CRYBG1: variants seen among roughly 807,000 people sequenced by gnomAD.
CRYBG1 encodes beta/gamma crystallin domain-containing protein 1.
Under a neutral mutation model 189.2 loss-of-function variants are expected in CRYBG1, and 139 were observed. The ratio of observed to expected loss-of-function variants is 0.73; its 90% CI spans 0.64 to 0.85. CRYBG1 has a LOEUF of 0.85. Ranked by LOEUF, CRYBG1 falls within the 40% of genes least tolerant of loss-of-function variation. CRYBG1 has a pLI of 0.00. For synonymous variants in CRYBG1, 1,023 were observed against 1,017.1 expected (o/e 1.01, Z -0.11); for missense variants, 2,611 against 2,675.8 (o/e 0.98, Z 0.53).
intron 1 of CRYBG1, among the ~76,000 whole-genome samples, chr6:106,437,307 T>TCC (rs1000069763): frequency 6.6e-6 from 1 of 152,252 alleles, no homozygotes; most frequent in African/African-American, 2.4e-5. Flanking sequence ...GCATGGCTCT[T>TCC]AACTAATCAT....
At chr6:106,482,038 T>A (rs1277078951) in intron 2 of CRYBG1, among the ~76,000 whole-genome samples, 10 of 113,042 alleles carry the variant, frequency 8.8e-5, no homozygotes, top group Non-Finnish European at 1.1e-4. Context: ...AGGTTCCTGC[T>A]GTCTAGTGTA....
chr6:106,523,898 A>G (rs376044466), intron 4 of CRYBG1, among the ~76,000 whole-genome samples: 47 of 152,074 alleles, frequency 3.1e-4, no homozygotes, highest in African/African-American at 1.0e-3. Context: ...CGCCCAGCTA[A>G]TTTATGTATT....
At chr6:106,394,986 G>C (rs539234362) in intron 1 of CRYBG1, among the ~76,000 whole-genome samples, 1 of 151,364 alleles carries the variant, frequency 6.6e-6, no homozygotes, top group Non-Finnish European at 1.5e-5. Flanking sequence ...CTCCCAAGTA[G>C]CTGGGATTAC....
At chr6:106,538,664 G>A (rs1325987600) in intron 8 of CRYBG1, among the ~76,000 whole-genome samples, 3 of 152,106 alleles carry the variant, frequency 2.0e-5, no homozygotes, top group African/African-American at 4.8e-5. Flanking sequence ...AGGCCAAGGC[G>A]GGCGGATCAC....
chr6:106,505,692 C>T (rs573757282), intron 2 of CRYBG1, among the ~76,000 whole-genome samples: 1 of 151,364 alleles, frequency 6.6e-6, no homozygotes, highest in East Asian at 1.9e-4. Flanking sequence ...AGCTCAAATT[C>T]CTATATTTTT....
chr6:106,539,468 C>T lies in CRYBG1; in HGVS notation c.4784C>T (p.Pro1595Leu), dbSNP rs1268897603. Residue 1595 changes from proline to leucine, a missense_variant, in exon 9 of 22, where the codon CCT becomes CTT. Pro to Leu is a moderately conservative substitution (Grantham distance 98). Transcript: ENST00000633556. Reference sequence around the variant, plus strand: ...TTCATCCTGGAACCTGGTGAATACCCTGACTTGTCCTTCTGGGATACAGAA... The same window carrying T: ...TTCATCCTGGAACCTGGTGAATACCTTGACTTGTCCTTCTGGGATACAGAA... ...VPFILEPGEY[P>L]DLSFWDTEEA... 1.2e-6 allele frequency: 2 copies of T among 1,613,798 alleles called. No homozygotes were observed. The highest frequency in any genetic ancestry group is 1.7e-6 in the Non-Finnish European group (2 of 1,179,864).
At chr6:106,444,167 CTG>C (rs937229316) in intron 1 of CRYBG1, among the ~76,000 whole-genome samples, 1 of 152,048 alleles carries the variant, frequency 6.6e-6, no homozygotes, top group Admixed American at 6.6e-5. Flanking sequence ...AGTATTGACA[CTG>C]TCAAAATAAA....
intron 1 of CRYBG1, among the ~76,000 whole-genome samples, chr6:106,383,924 T>C (rs550991430): frequency 2.6e-3 from 389 of 152,316 alleles, no homozygotes; most frequent in Non-Finnish European, 3.6e-3. Context: ...TTCTCAACCC[T>C]GTGTGTGGCC....
chr6:106,442,726 A>G (rs1771587162), intron 1 of CRYBG1, among the ~76,000 whole-genome samples: 1 of 152,224 alleles, frequency 6.6e-6, no homozygotes, highest in Admixed American at 6.5e-5. Flanking sequence ...GATGTGACAG[A>G]TGTTATTATA....
At chr6:106,414,353 T>A (rs1251142912) in intron 1 of CRYBG1, among the ~76,000 whole-genome samples, 1 of 152,266 alleles carries the variant, frequency 6.6e-6, no homozygotes, top group Non-Finnish European at 1.5e-5. Context: ...GGATTGGCCT[T>A]GGCCAGAGGA....
chr6:106,480,522 C>G (rs144576610), intron 2 of CRYBG1, among the ~76,000 whole-genome samples: 6,899 of 151,068 alleles, frequency 0.046, 530 homozygotes, highest in African/African-American at 0.16. Flanking sequence ...AAAAATTTAG[C>G]CAGGCATGGT....
At chr6:106,375,752 T>C (rs1038410266) in intron 1 of CRYBG1, among the ~76,000 whole-genome samples, 6 of 152,206 alleles carry the variant, frequency 3.9e-5, no homozygotes, top group African/African-American at 9.6e-5. Flanking sequence ...TTGGCTTAGC[T>C]GTTTTGGAGG....
intron 1 of CRYBG1, among the ~76,000 whole-genome samples, chr6:106,392,960 G>T (rs528479668): frequency 1.6e-4 from 24 of 152,052 alleles, no homozygotes; most frequent in African/African-American, 4.1e-4. Flanking sequence ...TTTTATGTAG[G>T]GATGGGATTT....
At chr6:106,518,031 CA>C (rs1773482127) in intron 3 of CRYBG1, among the ~76,000 whole-genome samples, 1 of 152,152 alleles carries the variant, frequency 6.6e-6, no homozygotes, top group South Asian at 2.1e-4. Flanking sequence ...GACTTCCATG[CA>C]GCATTAAGAC....
At position 106,361,044 on chromosome 6, in the gene CRYBG1, G is replaced by A. The variant is rs1771857145; in HGVS notation, c.136G>A (p.Val46Ile). The A allele has an allele frequency of 6.5e-7, 1 of 1,534,858 alleles. No homozygotes were observed. Among genetic ancestry groups the A allele is most frequent in the Non-Finnish European group, 8.7e-7 (1 of 1,146,568 alleles). ...QPAPPDCGVF[V>I]PHPLPAPAGE... ...GGCGCCGCCTGACTGTGGGGTGTTC[G>A]TTCCGCACCCGCTCCCGGCGCCTGC... is the stretch of plus-strand genomic sequence containing the variant. Residue 46 changes from valine (V) to isoleucine (I), a missense_variant, in exon 1 of 22, where the codon GTT becomes ATT. Val to Ile is a conservative substitution (Grantham distance 29). This residue lies in a region of CRYBG1 where 985 missense variants were observed against 924.4 expected (regional missense o/e 1.07). Transcript: ENST00000633556.
At chr6:106,568,436 G>T in intron 21 of CRYBG1, 36 bp from the exon 22 acceptor site, 1 of 1,516,206 alleles carries the variant, frequency 6.6e-7, no homozygotes, top group South Asian at 1.1e-5. Context: ...CTTCACCATG[G>T]GTACATTCAT....
intron 1 of CRYBG1, among the ~76,000 whole-genome samples, chr6:106,414,066 TCAGCACA>T (rs1432557497): frequency 2.0e-5 from 3 of 152,328 alleles, no homozygotes; most frequent in Admixed American, 6.5e-5. Context: ...CTGACATCTC[TCAGCACA>T]GCAAGCTCCT....
At chr6:106,566,464 C>CTTTTTTTTTTTTTTTTT (rs34773477) in intron 21 of CRYBG1, among the ~76,000 whole-genome samples, 11 of 71,668 alleles carry the variant, frequency 1.5e-4, no homozygotes, top group Non-Finnish European at 2.1e-4. Flanking sequence ...CAACAACAGT[C>CTTTTTTTTTTTTTTTTT]TTTTTTTTTT....
At chr6:106,473,944 A>G (rs1772287461) in intron 2 of CRYBG1, among the ~76,000 whole-genome samples, 1 of 152,230 alleles carries the variant, frequency 6.6e-6, no homozygotes, top group South Asian at 2.1e-4. Flanking sequence ...TAGAGTTTAC[A>G]TATGATTATG....
Sources: gnomAD v4.1 joint callset for allele counts (sites outside exome capture counted in the v4.1 genomes callset) on GRCh38, gnomAD v4.1.1 for gene constraint, gnomAD v4.1.1 regional missense constraint, MANE v1.5 for transcripts, NCBI Gene and HGNC (gene_info 2026-07-23, HGNC 2026-07-21) for gene names.